Variants in RANBP2 observed in about 807,000 individuals in gnomAD.
RANBP2 encodes E3 SUMO-protein ligase RanBP2.
RANBP2 carries 57 observed loss-of-function variants against 303.6 expected under a neutral mutation model. The observed-to-expected ratio is 0.19, with a 90% CI of 0.15 to 0.23. The LOEUF (loss-of-function observed/expected upper bound fraction) is 0.23. Ranked by LOEUF, RANBP2 falls within the 10% of genes least tolerant of loss-of-function variation. The probability of loss-of-function intolerance (pLI) is 1.00; values close to 1 mark genes in which losing one functional copy is unlikely to be tolerated. For missense variants in RANBP2, 3,138 were observed against 3,780.8 expected, an observed-to-expected ratio of 0.83 and a Z score of 4.46; for synonymous variants, 1,167 against 1,301.5, an observed-to-expected ratio of 0.90 and a Z score of 2.23.
the RANBP2 span, among the ~76,000 whole-genome samples, chr2:109,766,461 G>A: frequency 1.3e-5 from 2 of 150,628 alleles, no homozygotes; most frequent in South Asian, 4.3e-4. Context: ...AACCCAGGGA[G>A]TGTGCACCTT....
the RANBP2 span, among the ~76,000 whole-genome samples, chr2:109,070,246 T>C: frequency 6.6e-6 from 1 of 152,184 alleles, no homozygotes; most frequent in African/African-American, 2.4e-5. Context: ...TTGATGACTA[T>C]GCTGTGGAAT....
the RANBP2 span, among the ~76,000 whole-genome samples, chr2:108,859,045 A>G: frequency 6.6e-6 from 1 of 152,130 alleles, no homozygotes; most frequent in African/African-American, 2.4e-5. Flanking sequence ...ACCCAGTAAT[A>G]GGATTGCTGA....
chr2:109,590,171 T>C, the RANBP2 span, among the ~76,000 whole-genome samples: 1 of 150,042 alleles, frequency 6.7e-6, no homozygotes, highest in African/African-American at 2.5e-5. Flanking sequence ...CTATTGAGAG[T>C]GGTTACCAGT....
chr2:109,254,660 C>T, the RANBP2 span, among the ~76,000 whole-genome samples: 1 of 152,142 alleles, frequency 6.6e-6, no homozygotes, highest in Non-Finnish European at 1.5e-5. Flanking sequence ...GGTTTCACTT[C>T]CTGCTGTCTC....
chr2:109,237,670 G>T, the RANBP2 span, among the ~76,000 whole-genome samples: 2 of 152,250 alleles, frequency 1.3e-5, no homozygotes, highest in East Asian at 3.9e-4. Context: ...GCCCAAGACG[G>T]TTCTTCCAGT....
chr2:108,996,874 T>C, the RANBP2 span, among the ~76,000 whole-genome samples: 1 of 152,154 alleles, frequency 6.6e-6, no homozygotes, highest in East Asian at 1.9e-4. Flanking sequence ...GGCCCCACCA[T>C]CTGCCTCTTC....
At chr2:109,563,367 C>G in the RANBP2 span, among the ~76,000 whole-genome samples, 1 of 152,184 alleles carries the variant, frequency 6.6e-6, no homozygotes, top group East Asian at 1.9e-4. Context: ...CACTCCTCCC[C>G]CTTTCTTTTG....
chr2:109,288,052 C>T, the RANBP2 span, among the ~76,000 whole-genome samples: 2 of 152,196 alleles, frequency 1.3e-5, no homozygotes, highest in Admixed American at 6.5e-5. Context: ...TTGAGCTGTC[C>T]CATTGTCACA....
At chr2:109,288,887 G>T in the RANBP2 span, among the ~76,000 whole-genome samples, 3 of 152,132 alleles carry the variant, frequency 2.0e-5, no homozygotes, top group African/African-American at 7.2e-5. Flanking sequence ...TAAAGAAAGC[G>T]GCACCAGTGT....
At chr2:109,653,781 T>C in the RANBP2 span, among the ~76,000 whole-genome samples, 1 of 152,228 alleles carries the variant, frequency 6.6e-6, no homozygotes, top group Non-Finnish European at 1.5e-5. Context: ...TTTTGTTTAA[T>C]GCAGTCCACT....
At chr2:108,927,486 C>T in the RANBP2 span, among the ~76,000 whole-genome samples, 3 of 152,318 alleles carry the variant, frequency 2.0e-5, no homozygotes, top group African/African-American at 7.2e-5. Context: ...GAACCAAGCA[C>T]GTGGTCTTCA....
chr2:108,753,386 A>C (rs1418069738), intron 13 of RANBP2, 40 bp from the exon 14 acceptor site: 45 of 1,609,718 alleles, frequency 2.8e-5, no homozygotes, highest in Non-Finnish European at 3.5e-5. Context: ...TTATATTCTG[A>C]GTATAAACAA....
At chr2:109,423,260 C>T in the RANBP2 span, among the ~76,000 whole-genome samples, 2 of 152,120 alleles carry the variant, frequency 1.3e-5, no homozygotes, top group African/African-American at 4.8e-5. Flanking sequence ...TTTCATCCTC[C>T]CCTGCTGAGG....
chr2:108,917,313 C>A, the RANBP2 span, among the ~76,000 whole-genome samples: 1 of 152,006 alleles, frequency 6.6e-6, no homozygotes, highest in African/African-American at 2.4e-5. Context: ...AAAGTCCAGC[C>A]GGGCAGGAGG....
At chr2:109,406,381 G>A in the RANBP2 span, among the ~76,000 whole-genome samples, 1 of 152,246 alleles carries the variant, frequency 6.6e-6, no homozygotes, top group South Asian at 2.1e-4. Context: ...CCCTAAATGG[G>A]CAGTCAGCTC....
the RANBP2 span, among the ~76,000 whole-genome samples, chr2:109,118,903 A>C: frequency 6.6e-6 from 1 of 152,168 alleles, no homozygotes; most frequent in Non-Finnish European, 1.5e-5. Context: ...GTTCTCCATC[A>C]CTGGCAATGT....
chr2:109,622,795 T>A, the RANBP2 span, among the ~76,000 whole-genome samples: 1 of 152,330 alleles, frequency 6.6e-6, no homozygotes, highest in South Asian at 2.1e-4. Flanking sequence ...TTTCGTACTA[T>A]ACATTTATAA....
the RANBP2 span, among the ~76,000 whole-genome samples, chr2:108,858,787 C>T: frequency 2.6e-5 from 4 of 151,906 alleles, no homozygotes; most frequent in African/African-American, 7.2e-5. Context: ...TGGGCTTCAA[C>T]TGAACTCGTC....
chr2:109,649,754 A>G, the RANBP2 span, among the ~76,000 whole-genome samples: 1 of 152,156 alleles, frequency 6.6e-6, no homozygotes, highest in Admixed American at 6.5e-5. Flanking sequence ...GCATGTGATT[A>G]CTTCCTTGAT....
Sources: gnomAD v4.1 joint callset for allele counts (sites outside exome capture counted in the v4.1 genomes callset) on GRCh38, gnomAD v4.1.1 for gene constraint, MANE v1.5 for transcripts, NCBI Gene and HGNC (gene_info 2026-07-23, HGNC 2026-07-21) for gene names.